AGBL4: variants seen among roughly 807,000 people sequenced by gnomAD.
AGBL4 encodes AGBL carboxypeptidase 4.
A neutral mutation model predicts 66.4 loss-of-function variants in AGBL4; 58 were observed. That is an observed-to-expected ratio of 0.87 (90% CI 0.71 to 1.09). The LOEUF is 1.09. AGBL4 is among the 50% of genes least tolerant of loss of function. AGBL4 has a pLI of 0.00. For missense variants in AGBL4, 579 were observed against 631.0 expected, an observed-to-expected ratio of 0.92 and a Z score of 0.88; for synonymous variants, 234 against 222.9, an observed-to-expected ratio of 1.05 and a Z score of -0.44.
chr1:49,747,454 T>C (rs1435759851), intron 2 of AGBL4, among the ~76,000 whole-genome samples: 2 of 152,172 alleles, frequency 1.3e-5, no homozygotes, highest in Non-Finnish European at 2.9e-5. Flanking sequence ...AACAAAGAGA[T>C]AATAGTGCCT....
At chr1:49,368,132 G>T (rs912551374) in intron 3 of AGBL4, among the ~76,000 whole-genome samples, 1 of 152,100 alleles carries the variant, frequency 6.6e-6, no homozygotes, top group African/African-American at 2.4e-5. Flanking sequence ...CTACTATATG[G>T]ATATGCTGCA....
At position 49,747,987 on chromosome 1, in the gene AGBL4, GAA is replaced by G. The variant is rs533228810; in HGVS notation, c.158-50552_158-50551del. Among the ~76,000 whole-genome samples, 5 of 151,322 alleles carry G rather than the reference GAA, an allele frequency of 3.3e-5. No individual in the cohort carries two copies. In the East Asian group the frequency reaches 9.8e-4, roughly 30 times the overall value. Reference sequence around the variant, plus strand: ...GTGTGTGTGTGTGCATGCAGACAAAGAAAGATTTATTTACTTTTTACTTTTTT... The same window carrying G: ...GTGTGTGTGTGTGCATGCAGACAAAGAGATTTATTTACTTTTTACTTTTTT... On this transcript the variant is annotated intron_variant, in intron 2 of 13. Coordinates refer to ENST00000371839, the MANE Select transcript of AGBL4 (RefSeq NM_032785.4).
At chr1:48,744,716 C>T (rs1570461808) in intron 6 of AGBL4, among the ~76,000 whole-genome samples, 2 of 152,318 alleles carry the variant, frequency 1.3e-5, no homozygotes, top group South Asian at 4.1e-4. Context: ...CCCTGTCTTT[C>T]CTTGCTTAGG....
At chr1:49,915,307 C>G (rs1370711720) in intron 1 of AGBL4, among the ~76,000 whole-genome samples, 1 of 152,088 alleles carries the variant, frequency 6.6e-6, no homozygotes, top group Non-Finnish European at 1.5e-5. Context: ...CCAGGAAGTG[C>G]AAGGGGTCAG....
At chr1:48,621,704 T>C (rs982456767) in intron 9 of AGBL4, among the ~76,000 whole-genome samples, 30 of 152,336 alleles carry the variant, frequency 2.0e-4, no homozygotes, top group African/African-American at 7.2e-4. Flanking sequence ...AACAATAATA[T>C]AAAACTCTTC....
rs147842221 is a variant in AGBL4 at position 49,379,410 on chromosome 1, G to A, written c.283-133546C>T. Among the ~76,000 whole-genome samples the A allele has an allele frequency of 5.5e-3, 843 of 152,196 alleles. 9 individuals are homozygous for A. Among genetic ancestry groups the A allele is most frequent in the Non-Finnish European group, 7.7e-3 (522 of 68,002 alleles). On this transcript the variant is annotated intron_variant, in intron 3 of 13. Coordinates refer to ENST00000371839, the MANE Select transcript of AGBL4 (RefSeq NM_032785.4). ...TGGCACAGAATGGGAATCCATGCCC[G>A]TTTTGGCTACATGTCTTGGGATAAC...
intron 6 of AGBL4, among the ~76,000 whole-genome samples, chr1:48,837,710 AC>A (rs1318087107): frequency 0.037 from 1,941 of 53,080 alleles, 23 homozygotes; most frequent in Non-Finnish European, 0.047. Flanking sequence ...ACACACACAC[AC>A]TATATATATA....
intron 3 of AGBL4, among the ~76,000 whole-genome samples, chr1:49,249,574 T>C (rs1284779559): frequency 6.6e-6 from 1 of 152,066 alleles, no homozygotes; most frequent in Non-Finnish European, 1.5e-5. Context: ...AAATAAAATA[T>C]GTTGGTGAGG....
chr1:49,662,111 T>G (rs1231842256), intron 3 of AGBL4, among the ~76,000 whole-genome samples: 1 of 151,084 alleles, frequency 6.6e-6, no homozygotes, highest in Admixed American at 6.6e-5. Flanking sequence ...ATAACATGGG[T>G]GGAGGAGGCT....
intron 4 of AGBL4, among the ~76,000 whole-genome samples, chr1:49,118,417 T>C (rs957381054): frequency 2.6e-5 from 4 of 152,254 alleles, no homozygotes; most frequent in African/African-American, 4.8e-5. Context: ...TTGAGAGTTT[T>C]TAGCATGAAG....
intron 4 of AGBL4, among the ~76,000 whole-genome samples, chr1:49,088,470 G>C (rs1276754265): frequency 6.6e-6 from 1 of 152,046 alleles, no homozygotes; most frequent in Non-Finnish European, 1.5e-5. Context: ...AAAAAGAAAG[G>C]ATTTTAAACC....
chr1:49,208,791 C>A (rs574831187), intron 4 of AGBL4, among the ~76,000 whole-genome samples: 1 of 152,056 alleles, frequency 6.6e-6, no homozygotes, highest in Non-Finnish European at 1.5e-5. Flanking sequence ...AGAACAGGGC[C>A]GTGCCTGACT....
At chr1:49,479,218 C>T (rs1646904390) in intron 3 of AGBL4, among the ~76,000 whole-genome samples, 1 of 151,814 alleles carries the variant, frequency 6.6e-6, no homozygotes, top group South Asian at 2.1e-4. Flanking sequence ...TTTCTGTATG[C>T]CAACAGTGAA....
chr1:48,766,797 G>C (rs1463729816), intron 6 of AGBL4, among the ~76,000 whole-genome samples: 1 of 152,182 alleles, frequency 6.6e-6, no homozygotes, highest in East Asian at 1.9e-4. Flanking sequence ...TTCCCAGAGT[G>C]AGGGTCGGGA....
At chr1:49,249,207 G>A (rs1484200581) in intron 3 of AGBL4, among the ~76,000 whole-genome samples, 1 of 152,088 alleles carries the variant, frequency 6.6e-6, no homozygotes, top group Non-Finnish European at 1.5e-5. Context: ...CACGTTAGTT[G>A]CAGGGACTAT....
At chr1:49,855,345 T>C (rs907674274) in intron 1 of AGBL4, among the ~76,000 whole-genome samples, 22 of 152,146 alleles carry the variant, frequency 1.4e-4, no homozygotes, top group African/African-American at 4.6e-4. Flanking sequence ...ACATTCAGCA[T>C]TGGACACATC....
In AGBL4 at chr1:49,352,113, C is replaced by T. The variant is rs139644862; in HGVS notation, c.283-106249G>A. Among the ~76,000 whole-genome samples, 40 of 152,276 alleles carry T rather than the reference C, an allele frequency of 2.6e-4. No homozygotes were observed. The East Asian group carries it at 6.6e-3, about 25-fold the overall frequency. ...GACAAACCTTTAATCCTTTAAGATC[C>T]GGCTTAAACCACACCCATTCCAGGA... is the stretch of plus-strand genomic sequence containing the variant. On this transcript the variant is annotated intron_variant, in intron 3 of 13. Coordinates refer to ENST00000371839, the MANE Select transcript of AGBL4 (RefSeq NM_032785.4).
At chr1:49,994,627 T>TA (rs1050018643) in intron 1 of AGBL4, 1 of 152,570 alleles carries the variant, frequency 6.6e-6, no homozygotes, top group East Asian at 1.9e-4. Context: ...TGGGAGCTTT[T>TA]AAAAAAATTG....
At chr1:48,678,319 A>C (rs988914005) in intron 6 of AGBL4, among the ~76,000 whole-genome samples, 3 of 152,212 alleles carry the variant, frequency 2.0e-5, no homozygotes, top group Non-Finnish European at 4.4e-5. Context: ...ATTTGAGAGA[A>C]GGGCCAGGGA....
Sources: allele counts gnomAD v4.1 joint callset (sites outside exome capture counted in the v4.1 genomes callset), GRCh38; gene constraint gnomAD v4.1.1; transcripts MANE v1.5; gene names NCBI Gene and HGNC (gene_info 2026-07-23, HGNC 2026-07-21).